TRAPPC9: variants seen among roughly 807,000 people sequenced by gnomAD.
TRAPPC9 encodes the protein trafficking protein particle complex subunit 9, also known as IKK2 binding protein.
TRAPPC9 carries 83 observed loss-of-function variants against 124.0 expected under a neutral mutation model. That is an observed-to-expected ratio of 0.67 (90% confidence interval 0.56 to 0.80). The LOEUF is 0.80. Ranked by LOEUF, TRAPPC9 falls within the 30% of genes least tolerant of loss-of-function variation. TRAPPC9 has a pLI of 0.00. For missense variants in TRAPPC9, 1,302 were observed against 1,508.3 expected, an observed-to-expected ratio of 0.86 and a Z score of 2.27; for synonymous variants, 638 against 617.5, an observed-to-expected ratio of 1.03 and a Z score of -0.49.
In TRAPPC9 at chr8:139,902,966, A is replaced by G. The variant is rs527416761; in HGVS notation, c.2964+7181T>C. On this transcript the variant is annotated intron_variant, in intron 20 of 22. Coordinates refer to ENST00000438773, the MANE Select transcript of TRAPPC9 (RefSeq NM_001160372.4). ...ACTGTCCTGCTGGTGAAGCCCAAAT[A>G]AAACTGACAAACACCGCCGCCACTG... is the stretch of plus-strand genomic sequence containing the variant. Among the ~76,000 whole-genome samples, 3 of 152,294 alleles carry G rather than the reference A, an allele frequency of 2.0e-5. No individual in the cohort carries two copies. In the South Asian group the frequency reaches 6.2e-4, roughly 32 times the overall value.
At chr8:140,306,655 G>T (rs547792866) in intron 10 of TRAPPC9, among the ~76,000 whole-genome samples, 1 of 152,268 alleles carries the variant, frequency 6.6e-6, no homozygotes, top group East Asian at 1.9e-4. Context: ...GTGAAAATTA[G>T]TCTCATATAA....
chr8:140,428,852 T>G (rs1303978299), intron 4 of TRAPPC9, among the ~76,000 whole-genome samples: 7 of 152,114 alleles, frequency 4.6e-5, no homozygotes, highest in Non-Finnish European at 1.0e-4. Flanking sequence ...CCTACACAAA[T>G]GATTAATGCA....
At chr8:140,453,444 C>T (rs1474002353) in intron 1 of TRAPPC9, among the ~76,000 whole-genome samples, 3 of 152,150 alleles carry the variant, frequency 2.0e-5, no homozygotes, top group Non-Finnish European at 4.4e-5. Flanking sequence ...GCTATAAGAC[C>T]TCTGTGAAAT....
chr8:140,167,994 G>C (rs1344525065), intron 17 of TRAPPC9, among the ~76,000 whole-genome samples: 1 of 152,190 alleles, frequency 6.6e-6, no homozygotes, highest in Non-Finnish European at 1.5e-5. Context: ...TGCAGCAACT[G>C]TATGAAATGT....
At chr8:140,188,610 C>T (rs768307982) in intron 17 of TRAPPC9, among the ~76,000 whole-genome samples, 4 of 152,208 alleles carry the variant, frequency 2.6e-5, no homozygotes, top group Non-Finnish European at 4.4e-5. Flanking sequence ...CCTATCCCTG[C>T]CTTTAAACAT....
intron 17 of TRAPPC9, among the ~76,000 whole-genome samples, chr8:140,029,079 G>T (rs913096507): frequency 6.6e-6 from 1 of 152,178 alleles, no homozygotes; most frequent in Non-Finnish European, 1.5e-5. Flanking sequence ...GACAATCAGG[G>T]AAGAGTATCA....
At chr8:139,777,383 C>T (rs1821463082) in intron 21 of TRAPPC9, among the ~76,000 whole-genome samples, 2 of 152,168 alleles carry the variant, frequency 1.3e-5, no homozygotes. Flanking sequence ...CAAATAAGCC[C>T]CAGAGGGAAC....
rs540173025 is a variant in TRAPPC9, at chr8:140,387,146, C to T, written c.1134+10474G>A. Among the ~76,000 whole-genome samples the T allele has an allele frequency of 1.2e-3, 185 of 152,300 alleles. 2 individuals are homozygous for T. The highest frequency in any genetic ancestry group is 2.2e-3 in the Non-Finnish European group (149 of 68,034). On this transcript the variant is annotated intron_variant, in intron 7 of 22. Transcript: ENST00000438773. ...AAGCTGAAACTGGATCCTTTCCTTA[C>T]ACCTTATACAAAAATTAATTCAAGA...
rs1016602798 is a variant in TRAPPC9 at position 139,729,877 on chromosome 8, C to T, written c.*1184G>A. Among the ~76,000 whole-genome samples the T allele has an allele frequency of 7.2e-5, 11 of 152,184 alleles. No individual in the cohort carries two copies. The highest frequency in any genetic ancestry group is 2.4e-4 in the African/African-American group (10 of 41,450). On this transcript the variant is annotated 3_prime_UTR_variant, in exon 23 of 23. Coordinates refer to ENST00000438773, the MANE Select transcript of TRAPPC9 (RefSeq NM_001160372.4). ...CATGGGAGTTTCAGTGCCCAACGGG[C>T]ACCTGACGAGCCTGGTATCTGCTGG...
chr8:140,413,136 C>T lies in TRAPPC9; in HGVS notation c.887-7438G>A, dbSNP rs184346406. Among the ~76,000 whole-genome samples the T allele has an allele frequency of 2.2e-3, 337 of 152,280 alleles. 3 individuals carry two copies. The highest frequency in any genetic ancestry group is 7.7e-3 in the African/African-American group (322 of 41,554). On this transcript the variant is annotated intron_variant, in intron 5 of 22. Coordinates refer to ENST00000438773, the MANE Select transcript of TRAPPC9 (RefSeq NM_001160372.4). ...GGGCACGGTGGCTCACGTCTGTAAT[C>T]CCAGCACTTTGGGAGGCCGAGGCAG... is the stretch of plus-strand genomic sequence containing the variant.
At chr8:140,041,331 A>G (rs538978361) in intron 17 of TRAPPC9, among the ~76,000 whole-genome samples, 5 of 152,394 alleles carry the variant, frequency 3.3e-5, no homozygotes, top group Admixed American at 3.3e-4. Flanking sequence ...ACAATGAGCT[A>G]TCAGTACAGG....
chr8:140,264,568 G>C (rs898496684), intron 15 of TRAPPC9, among the ~76,000 whole-genome samples: 1 of 149,900 alleles, frequency 6.7e-6, no homozygotes, highest in Non-Finnish European at 1.5e-5. Flanking sequence ...GAAAAAAAAC[G>C]GGGCGGGGGA....
chr8:139,869,791 T>C lies in TRAPPC9; in HGVS notation c.3055+16088A>G, dbSNP rs549274779. On this transcript the variant is annotated intron_variant, in intron 21 of 22. Coordinates refer to ENST00000438773, the MANE Select transcript of TRAPPC9 (RefSeq NM_001160372.4). ...AAAACAAAGTAATTACCATAGGAAGTTTTTTTAAAAACTATCTTTTAACTC... is the reference window on the plus strand; with the variant it reads ...AAAACAAAGTAATTACCATAGGAAGCTTTTTTAAAAACTATCTTTTAACTC... Among the ~76,000 whole-genome samples, 40 of 152,148 alleles carry C rather than the reference T, an allele frequency of 2.6e-4. 1 individual carries two copies. Among genetic ancestry groups the C allele is most frequent in the Admixed American group, 1.5e-3 (23 of 15,300 alleles).
intron 5 of TRAPPC9, among the ~76,000 whole-genome samples, chr8:140,407,042 C>T (rs1010402321): frequency 2.0e-5 from 3 of 152,180 alleles, no homozygotes; most frequent in Admixed American, 6.5e-5. Flanking sequence ...GGGGCAAAAG[C>T]GACATTTTTT....
intron 17 of TRAPPC9, among the ~76,000 whole-genome samples, chr8:140,114,510 T>G (rs889025079): frequency 1.3e-5 from 2 of 152,216 alleles, no homozygotes; most frequent in Non-Finnish European, 2.9e-5. Context: ...ATCAGAAAGA[T>G]GACATTAATG....
chr8:139,757,821 G>C (rs73726760), intron 21 of TRAPPC9, among the ~76,000 whole-genome samples: 5 of 152,082 alleles, frequency 3.3e-5, no homozygotes, highest in Non-Finnish European at 7.4e-5. Flanking sequence ...GCAAGCAGTC[G>C]GCACTGCTGG....
chr8:140,224,694 C>A (rs1182214080), intron 16 of TRAPPC9, among the ~76,000 whole-genome samples: 1 of 151,890 alleles, frequency 6.6e-6, no homozygotes, highest in East Asian at 1.9e-4. Flanking sequence ...TTTTTTTTTA[C>A]CTTTATGTAT....
intron 21 of TRAPPC9, among the ~76,000 whole-genome samples, chr8:139,786,044 T>C (rs1044205870): frequency 4.0e-5 from 6 of 150,832 alleles, no homozygotes; most frequent in Non-Finnish European, 8.9e-5. Context: ...CCGTCTCTAT[T>C]AAAAATACAA....
intron 18 of TRAPPC9, among the ~76,000 whole-genome samples, chr8:139,989,288 G>C (rs374258380): frequency 6.8e-6 from 1 of 146,370 alleles, no homozygotes; most frequent in Non-Finnish European, 1.5e-5. Context: ...GCCCTGAAGC[G>C]TGGTGACGCA....
Sources: allele counts gnomAD v4.1 joint callset (sites outside exome capture counted in the v4.1 genomes callset), GRCh38; gene constraint gnomAD v4.1.1; transcripts MANE v1.5; gene names NCBI Gene and HGNC (gene_info 2026-07-23, HGNC 2026-07-21).